Variants in SRGAP2B observed in about 807,000 individuals in gnomAD.
SRGAP2B encodes SLIT-ROBO Rho GTPase-activating protein 2B.
SRGAP2B carries 9 observed loss-of-function variants against 22.2 expected under a neutral mutation model. The observed-to-expected ratio is 0.41, with a 90% CI of 0.24 to 0.71. SRGAP2B has a LOEUF of 0.71. Ranked by LOEUF, SRGAP2B falls within the 30% of genes least tolerant of loss-of-function variation. SRGAP2B has a pLI of 0.35. For missense variants in SRGAP2B, 114 were observed against 235.8 expected, an observed-to-expected ratio of 0.48 and a Z score of 3.38; for synonymous variants, 36 against 87.4, an observed-to-expected ratio of 0.41 and a Z score of 3.28.
chr1:144,925,720 G>A (rs1248411456), intron 4 of SRGAP2B, among the ~76,000 whole-genome samples: 140 of 121,940 alleles, frequency 1.1e-3, no homozygotes, highest in South Asian at 2.3e-3. Flanking sequence ...GAGAGAGAGA[G>A]AGAAAGAAAA....
At chr1:144,906,610 T>C (rs1663007671) in intron 5 of SRGAP2B, among the ~76,000 whole-genome samples, 1 of 149,754 alleles carries the variant, frequency 6.7e-6, no homozygotes, top group Non-Finnish European at 1.5e-5. Flanking sequence ...CTGTCTGTTC[T>C]GCTTTATCCA....
intron 3 of SRGAP2B, among the ~76,000 whole-genome samples, chr1:144,965,863 T>C (rs1367279126): frequency 1.4e-5 from 2 of 144,476 alleles, no homozygotes; most frequent in Non-Finnish European, 3.0e-5. Flanking sequence ...CAGGAGCCGA[T>C]GCGATCAACT....
At chr1:144,906,063 T>C (rs1444171299) in exon 6 of SRGAP2B, 12 of 709,660 alleles carry the variant, frequency 1.7e-5, no homozygotes, top group Non-Finnish European at 2.6e-5. Flanking sequence ...ACATGTGATA[T>C]GTCTTCATGA....
intron 4 of SRGAP2B, among the ~76,000 whole-genome samples, chr1:144,924,715 G>A (rs1482306252): frequency 1.4e-5 from 2 of 143,484 alleles, no homozygotes; most frequent in Admixed American, 1.4e-4. Context: ...CTCGGTGACA[G>A]AGCGAAACTC....
At chr1:145,026,661 G>A (rs1185313972) in intron 2 of SRGAP2B, among the ~76,000 whole-genome samples, 4 of 151,606 alleles carry the variant, frequency 2.6e-5, no homozygotes, top group African/African-American at 7.3e-5. Context: ...CAGCAGCTCT[G>A]TTCCCCTTTG....
chr1:145,039,532 C>T (rs1369134848), intron 2 of SRGAP2B, among the ~76,000 whole-genome samples: 8 of 137,982 alleles, frequency 5.8e-5, no homozygotes, highest in African/African-American at 2.1e-4. Context: ...AATTAAAAGG[C>T]CACAAATGTT....
intron 2 of SRGAP2B, among the ~76,000 whole-genome samples, chr1:145,073,049 T>G (rs1652262235): frequency 6.7e-6 from 1 of 148,310 alleles, no homozygotes; most frequent in East Asian, 2.0e-4. Flanking sequence ...ACTCCAGTTT[T>G]CTCTCTCCTT....
chr1:145,020,486 G>C (rs1672722604), intron 2 of SRGAP2B, among the ~76,000 whole-genome samples: 1 of 133,800 alleles, frequency 7.5e-6, no homozygotes, highest in Non-Finnish European at 1.6e-5. Flanking sequence ...ATTTTAAAAA[G>C]CAACTCCCCT....
chr1:145,088,938 T>C (rs1173906661), intron 2 of SRGAP2B, among the ~76,000 whole-genome samples: 1 of 150,104 alleles, frequency 6.7e-6, no homozygotes, highest in Non-Finnish European at 1.5e-5. Flanking sequence ...ACAATAAAAA[T>C]ACCAATACAA....
At chr1:144,985,373 A>C (rs1426298685) in intron 3 of SRGAP2B, among the ~76,000 whole-genome samples, 12 of 148,130 alleles carry the variant, frequency 8.1e-5, no homozygotes, top group Admixed American at 8.0e-4. Flanking sequence ...ACACAGCAGG[A>C]CAGAAATGTA....
intron 4 of SRGAP2B, among the ~76,000 whole-genome samples, chr1:144,944,387 A>C (rs587745374): frequency 6.7e-6 from 1 of 149,958 alleles, no homozygotes; most frequent in Admixed American, 6.6e-5. Context: ...TTTGAGCCCC[A>C]GAGTTCAAGC....
chr1:144,992,091 G>A (rs1179389518), intron 3 of SRGAP2B, among the ~76,000 whole-genome samples: 1 of 150,178 alleles, frequency 6.7e-6, no homozygotes, highest in African/African-American at 2.5e-5. Context: ...AAGCCCACCG[G>A]GAGGAACGAA....
At chr1:144,973,313 T>C (rs1293800861) in intron 3 of SRGAP2B, among the ~76,000 whole-genome samples, 2 of 145,470 alleles carry the variant, frequency 1.4e-5, no homozygotes, top group Non-Finnish European at 3.0e-5. Flanking sequence ...TTATGGGAGA[T>C]AATTACGTAT....
chr1:144,981,201 G>A (rs1285273191), intron 3 of SRGAP2B, among the ~76,000 whole-genome samples: 2 of 136,502 alleles, frequency 1.5e-5, no homozygotes, highest in Non-Finnish European at 3.1e-5. Flanking sequence ...AATTGGCTGC[G>A]AATTCCTGAG....
chr1:145,045,098 C>T (rs1328500414), intron 2 of SRGAP2B, among the ~76,000 whole-genome samples: 2 of 137,532 alleles, frequency 1.5e-5, no homozygotes, highest in Non-Finnish European at 3.1e-5. Flanking sequence ...CTGGTTAACA[C>T]GGTGAAACCC....
intron 4 of SRGAP2B, among the ~76,000 whole-genome samples, chr1:144,955,059 T>C (rs1268085629): frequency 3.3e-5 from 5 of 150,406 alleles, no homozygotes; most frequent in Non-Finnish European, 7.4e-5. Context: ...ATGCAGATTA[T>C]GAATTATAGT....
In SRGAP2B at chr1:144,944,503, C is replaced by G. The variant is rs587734670; in HGVS notation, c.423+10936G>C. Among the ~76,000 whole-genome samples the G allele has an allele frequency of 1.5e-3, 198 of 132,680 alleles. 5 individuals are homozygous for G. The highest frequency in any genetic ancestry group is 5.7e-3 in the African/African-American group (192 of 33,588). 87.0% of individuals were successfully genotyped at this position (132,680 alleles called of 152,430 possible). On this transcript the variant is annotated intron_variant, in intron 4 of 9. Transcript: ENST00000612199. Reference sequence around the variant, plus strand: ...ATGAGAAGCTGAGGTGGGAGGATCACTTGAGCCCAGGAGTCTGAGGGTAGG... The same window carrying G: ...ATGAGAAGCTGAGGTGGGAGGATCAGTTGAGCCCAGGAGTCTGAGGGTAGG...
chr1:145,058,427 G>C, intron 2 of SRGAP2B, among the ~76,000 whole-genome samples: 1 of 133,428 alleles, frequency 7.5e-6, no homozygotes, highest in East Asian at 2.3e-4. Flanking sequence ...TAGGACGCTA[G>C]CATTTCAAGG....
At chr1:144,975,114 T>C (rs2982860) in intron 3 of SRGAP2B, among the ~76,000 whole-genome samples, 1 of 149,618 alleles carries the variant, frequency 6.7e-6, no homozygotes, top group Non-Finnish European at 1.5e-5. Flanking sequence ...CCTGACTTAA[T>C]CTATGGATAC....
Sources: gnomAD v4.1 joint callset for allele counts (sites outside exome capture counted in the v4.1 genomes callset) on GRCh38, gnomAD v4.1.1 for gene constraint, MANE v1.5 for transcripts, NCBI Gene and HGNC (gene_info 2026-07-23, HGNC 2026-07-21) for gene names.